GGTA1: variants seen among roughly 807,000 people sequenced by gnomAD.
GGTA1 encodes the protein glycoprotein alpha-galactosyltransferase 1 (inactive).
Under a neutral mutation model 2.6 loss-of-function variants are expected in GGTA1, and 5 were observed. The observed-to-expected ratio is 1.92, with a 90% CI of 1.00 to 4.04. GGTA1 has a LOEUF of 4.04. GGTA1 is among the 30% of genes most tolerant of loss of function. The pLI is 0.00. For missense variants in GGTA1, 50 were observed against 16.7 expected (o/e 2.99, Z -3.47); for synonymous variants, 17 against 5.0 (o/e 3.38, Z -3.19).
intron 1 of GGTA1, among the ~76,000 whole-genome samples, chr9:121,491,429 G>A (rs757271616): frequency 2.6e-5 from 4 of 152,074 alleles, no homozygotes; most frequent in East Asian, 1.9e-4. Context: ...AGAGCAGGAC[G>A]ATTGATTCTC....
At chr9:121,465,152 T>C (rs1278423234) in intron 2 of GGTA1, among the ~76,000 whole-genome samples, 1 of 152,242 alleles carries the variant, frequency 6.6e-6, no homozygotes, top group Non-Finnish European at 1.5e-5. Context: ...CTGGCTACCA[T>C]GCAGAGAGAG....
At chr9:121,496,928 C>T (rs572076578) in intron 1 of GGTA1, among the ~76,000 whole-genome samples, 4 of 152,010 alleles carry the variant, frequency 2.6e-5, no homozygotes, top group Admixed American at 6.5e-5. Context: ...CATGGTGGCT[C>T]ACACCTGTAA....
intron 7 of GGTA1, among the ~76,000 whole-genome samples, chr9:121,449,417 AT>A (rs1345344237): frequency 5.9e-5 from 9 of 152,346 alleles, no homozygotes; most frequent in African/African-American, 1.9e-4. Flanking sequence ...CCTACCAGCA[AT>A]GAATAAGTGT....
At chr9:121,448,299 G>A (rs1474111730) in intron 7 of GGTA1, among the ~76,000 whole-genome samples, 1 of 152,164 alleles carries the variant, frequency 6.6e-6, no homozygotes, top group South Asian at 2.1e-4. Context: ...ATACAAGGGT[G>A]ATGTGACCCT....
downstream of GGTA1, among the ~76,000 whole-genome samples, chr9:121,451,223 G>A (rs1264339337): frequency 6.6e-6 from 1 of 152,118 alleles, no homozygotes; most frequent in African/African-American, 2.4e-5. Context: ...TTTTGAGACA[G>A]AGTCTGCTCT....
In GGTA1 at chr9:121,499,790, C is replaced by T. The variant is rs1483001591; in HGVS notation, c.-150G>A. ...GCCTCCGCCCGAGCGGAGGCGCGTC[C>T]TCCCGCCCGTGGGCCGGCCGGCCGG... On this transcript the variant is annotated 5_prime_UTR_variant, in exon 1 of 6. Coordinates refer to ENST00000481799, the MANE Select transcript of GGTA1 (RefSeq NM_001382585.1). 6.6e-6 allele frequency: 1 copy of T among 152,060 alleles called. No homozygotes were observed. The highest frequency in any genetic ancestry group is 1.5e-5 in the Non-Finnish European group (1 of 68,024). The allele number at this position is 152,060 out of a possible 1,614,324, so 9.4% of individuals were successfully genotyped here. A position where few individuals can be genotyped will look rare whatever the true frequency, so the allele number is the denominator to read the frequency against.
At chr9:121,457,295 G>A (rs2064919524) in intron 5 of GGTA1, among the ~76,000 whole-genome samples, 1 of 152,190 alleles carries the variant, frequency 6.6e-6, no homozygotes, top group Non-Finnish European at 1.5e-5. Flanking sequence ...CAGACAGGTA[G>A]ACACAAGTCA....
intron 1 of GGTA1, among the ~76,000 whole-genome samples, chr9:121,482,442 G>A (rs562931973): frequency 6.6e-6 from 1 of 152,050 alleles, no homozygotes; most frequent in South Asian, 2.1e-4. Context: ...ACTCCGGCCT[G>A]GGAGACAGAA....
At chr9:121,484,721 T>G (rs1828723026) in intron 1 of GGTA1, among the ~76,000 whole-genome samples, 1 of 152,240 alleles carries the variant, frequency 6.6e-6, no homozygotes, top group South Asian at 2.1e-4. Context: ...AGCGATACTT[T>G]CCTTATTTAA....
At chr9:121,477,554 C>T (rs2118723838) in intron 1 of GGTA1, among the ~76,000 whole-genome samples, 1 of 147,884 alleles carries the variant, frequency 6.8e-6, no homozygotes, top group Middle Eastern at 3.6e-3. Context: ...TCATACCTAA[C>T]ATTGCATTTG....
intron 1 of GGTA1, among the ~76,000 whole-genome samples, chr9:121,493,387 C>T (rs1422728868): frequency 6.6e-6 from 1 of 152,060 alleles, no homozygotes; most frequent in Admixed American, 6.6e-5. Context: ...TGCCTCAGTT[C>T]TGCTACTTAA....
intron 5 of GGTA1, among the ~76,000 whole-genome samples, chr9:121,458,918 G>A (rs750655037): frequency 5.3e-5 from 8 of 152,100 alleles, no homozygotes; most frequent in African/African-American, 7.2e-5. Flanking sequence ...TGTCCCTGGC[G>A]GAGTCTCATT....
In GGTA1 at chr9:121,455,504, T is replaced by A. The variant is rs2064903699; in HGVS notation, c.*333A>T. The A allele has an allele frequency of 6.4e-6, 1 of 156,204 alleles. No homozygotes were observed. Among genetic ancestry groups the A allele is most frequent in the Non-Finnish European group, 1.4e-5 (1 of 70,150 alleles). 9.7% of individuals were successfully genotyped at this position (156,204 alleles called of 1,614,324 possible). ...TGATCTTCATGACCATTCTATGAAG[T>A]GGGTGTTATCATCATTCCCATTTTG... On this transcript the variant is annotated 3_prime_UTR_variant, in exon 6 of 6. Coordinates refer to ENST00000481799, the MANE Select transcript of GGTA1 (RefSeq NM_001382585.1).
intron 1 of GGTA1, among the ~76,000 whole-genome samples, chr9:121,496,754 A>AC (rs1829001701): frequency 6.9e-6 from 1 of 144,782 alleles, no homozygotes; most frequent in Non-Finnish European, 1.5e-5. Context: ...AAAAAAAAAA[A>AC]AAAAGAGAGA....
At position 121,467,857 on chromosome 9, in the gene GGTA1, C is replaced by T. The variant is rs1321104993; in HGVS notation, c.66G>A (p.Trp22Ter). The change falls in exon 2 of 6, where the codon TGG becomes TGA. Residue 22 changes from tryptophan (W) to a stop codon, truncating the protein, a stop_gained. Transcript: ENST00000481799. LOFTEE classifies it high-confidence loss of function. ...LVVSTVIIVFWEFINSTEGSF... is the reference protein window; with the variant it reads ...LVVSTVIIVF ...TTCATAATTACCTGTTGATAAATTC[C>T]CAAAACACAATGATCACAGTTGAGA... The T allele has an allele frequency of 2.2e-6, 1 of 455,520 alleles. No homozygotes were observed. Among genetic ancestry groups the T allele is most frequent in the South Asian group, 1.6e-5 (1 of 64,176 alleles). The allele number at this position is 455,520 out of a possible 1,614,324, so 28.2% of individuals were successfully genotyped here.
At chr9:121,452,841 C>T (rs2064885342), downstream of GGTA1, among the ~76,000 whole-genome samples, 1 of 152,126 alleles carries the variant, frequency 6.6e-6, no homozygotes, top group Non-Finnish European at 1.5e-5. Flanking sequence ...TTTTGGGGGG[C>T]CCTTATGAGG....
chr9:121,462,125 A>C (rs1235523455), intron 3 of GGTA1, among the ~76,000 whole-genome samples: 1 of 152,218 alleles, frequency 6.6e-6, no homozygotes, highest in Non-Finnish European at 1.5e-5. Context: ...GGCGTTCAAG[A>C]CCAGCCTGGC....
rs1408615231 is a variant in GGTA1 at position 121,476,193 on chromosome 9, G to C, written c.-9-8262C>G. Among the ~76,000 whole-genome samples the C allele has an allele frequency of 4.6e-5, 7 of 152,158 alleles. No individual in the cohort carries two copies. The highest frequency in any genetic ancestry group is 1.5e-5 in the Non-Finnish European group (1 of 68,028). ...TTGATGGGCAGCATCTCTCAGAACA[G>C]TCAGGAGCGAGTCCACACGCCAACT... On this transcript the variant is annotated intron_variant, in intron 1 of 5. Coordinates refer to ENST00000481799, the MANE Select transcript of GGTA1 (RefSeq NM_001382585.1). The surrounding 1 kb of genome is among the most constrained non-coding windows in gnomAD (Gnocchi z 4.6).
chr9:121,453,464 C>T, downstream of GGTA1, among the ~76,000 whole-genome samples: 1 of 152,120 alleles, frequency 6.6e-6, no homozygotes. Flanking sequence ...GGGTGAAGCT[C>T]CAGGCAGGGG....
Sources: gnomAD v4.1 joint callset for allele counts (sites outside exome capture counted in the v4.1 genomes callset) on GRCh38, gnomAD v4.1.1 for gene constraint, Gnocchi (gnomAD v3.1) non-coding constraint, MANE v1.5 for transcripts, NCBI Gene and HGNC (gene_info 2026-07-23, HGNC 2026-07-21) for gene names.